ARID1B: variants seen among roughly 807,000 people sequenced by gnomAD.
The protein encoded by ARID1B is AT-rich interaction domain 1B, also known as AT-rich interactive domain-containing protein 1B.
Under a neutral mutation model 212.3 loss-of-function variants are expected in ARID1B, and 30 were observed. The observed-to-expected ratio is 0.14, with a 90% CI of 0.11 to 0.19. The LOEUF is 0.19. Among genes scored for constraint, ARID1B ranks in the 10% least tolerant of loss-of-function variants. The pLI, the probability that ARID1B is intolerant of heterozygous loss-of-function variation, is 1.00. For missense variants in ARID1B, 2,891 were observed against 3,204.0 expected, an observed-to-expected ratio of 0.90 and a Z score of 2.36; for synonymous variants, 1,402 against 1,301.7, an observed-to-expected ratio of 1.08 and a Z score of -1.66.
In ARID1B at chr6:156,827,754, C is replaced by CTT. The variant is rs532857305; in HGVS notation, c.1792-1445_1792-1444dup. Among the ~76,000 whole-genome samples the CTT allele has an allele frequency of 4.0e-3, 273 of 68,452 alleles. 33 individuals are homozygous for CTT. The highest frequency in any genetic ancestry group is 5.8e-3 in the Non-Finnish European group (202 of 34,882). 44.9% of individuals were successfully genotyped at this position (68,452 alleles called of 152,430 possible). A position where few individuals can be genotyped will look rare whatever the true frequency, so the allele number is the denominator to read the frequency against. On this transcript the variant is annotated intron_variant, in intron 1 of 19. Transcript: ENST00000636930. ...GTTATTCCCCTTTATCCTGGTAATT[C>CTT]TTTTTTTTTTTTTTTTTTTTTTTTT...
intron 5 of ARID1B, among the ~76,000 whole-genome samples, chr6:157,089,754 T>C (rs937586584): frequency 2.0e-5 from 3 of 152,178 alleles, no homozygotes; most frequent in Admixed American, 1.3e-4. Context: ...AGCTCCATCT[T>C]TGTAATTGGC....
At chr6:157,191,037 C>T (rs534931345) in intron 15 of ARID1B, among the ~76,000 whole-genome samples, 1 of 151,662 alleles carries the variant, frequency 6.6e-6, no homozygotes, top group African/African-American at 2.4e-5. Context: ...TGTCTGTGGG[C>T]GTATTGATGA....
chr6:157,104,794 T>A (rs1439367691), intron 5 of ARID1B, among the ~76,000 whole-genome samples: 2 of 152,186 alleles, frequency 1.3e-5, no homozygotes, highest in African/African-American at 4.8e-5. Flanking sequence ...CAGTCATGAG[T>A]TCTCCTTGAC....
intron 4 of ARID1B, chr6:156,985,224 T>C (rs1054988558): frequency 6.6e-6 from 1 of 152,234 alleles, no homozygotes; most frequent in Non-Finnish European, 1.5e-5. Context: ...GTTGTGATTC[T>C]GTTAAAATCA....
Position 157,206,545 on chromosome 6 carries a change from C to A in ARID1B, c.5773C>A (p.Arg1925=). 1 of 1,614,120 alleles carries A rather than the reference C, an allele frequency of 6.2e-7. No homozygotes were observed. Among genetic ancestry groups the A allele is most frequent in the Non-Finnish European group, 8.5e-7 (1 of 1,180,032 alleles). ...VKKNNLFVVD[R]SDKLGRVQEF... ...AAAGAACAACCTGTTTGTTGTTGAC[C>A]GATCTGACAAGTTGGGGCGTGTGCA... The change falls in exon 20 of 20, where the codon CGA becomes AGA. Residue 1925 remains arginine (R), a synonymous_variant. Coordinates refer to ENST00000636930, the MANE Select transcript of ARID1B (RefSeq NM_001374828.1). This position sits in a 1 kb window ranked among gnomAD's most constrained non-coding sequence, Gnocchi z 6.8.
At position 157,094,036 on chromosome 6, in the gene ARID1B, G is replaced by GA. The variant is rs1240878955; in HGVS notation, c.2491+9138dup. ...CATACTTTATTGTCAGGTAGTCAAG[G>GA]AAAAAAATCAGGTTACTTCTTTAGA... On this transcript the variant is annotated intron_variant, in intron 5 of 19. Coordinates refer to ENST00000636930, the MANE Select transcript of ARID1B (RefSeq NM_001374828.1). This position sits in a 1 kb window ranked among gnomAD's most constrained non-coding sequence, Gnocchi z 4.3. Among the ~76,000 whole-genome samples the GA allele has an allele frequency of 6.6e-6, 1 of 152,094 alleles. No homozygotes were observed. Among genetic ancestry groups the GA allele is most frequent in the Admixed American group, 6.5e-5 (1 of 15,274 alleles).
intron 7 of ARID1B, chr6:157,140,824 G>A: frequency 2.5e-6 from 1 of 395,042 alleles, no homozygotes; most frequent in Non-Finnish European, 4.5e-6. Context: ...AGAGGCAGCG[G>A]CCTTCCACAT....
intron 1 of ARID1B, among the ~76,000 whole-genome samples, chr6:156,804,714 C>A (rs573367498): frequency 6.6e-6 from 1 of 152,146 alleles, no homozygotes; most frequent in South Asian, 2.1e-4. Context: ...CCTCCTACAA[C>A]ACATGGGGAT....
At chr6:157,053,859 AG>A (rs1474663476) in intron 4 of ARID1B, among the ~76,000 whole-genome samples, 1 of 152,176 alleles carries the variant, frequency 6.6e-6, no homozygotes, top group African/African-American at 2.4e-5. Context: ...GGATCACCTG[AG>A]GTCAGGAGTT....
At chr6:156,926,455 T>C (rs1791225047) in intron 3 of ARID1B, among the ~76,000 whole-genome samples, 1 of 152,170 alleles carries the variant, frequency 6.6e-6, no homozygotes, top group South Asian at 2.1e-4. Context: ...GCATAGTTTT[T>C]CAGATGAAAG....
chr6:156,818,378 A>G (rs1469758056), intron 1 of ARID1B, among the ~76,000 whole-genome samples: 1 of 152,094 alleles, frequency 6.6e-6, no homozygotes, highest in African/African-American at 2.4e-5. Flanking sequence ...TTTTAATACA[A>G]TTTTTAAGTT....
intron 2 of ARID1B, among the ~76,000 whole-genome samples, chr6:156,899,749 C>G (rs1788771547): frequency 6.6e-6 from 1 of 152,132 alleles, no homozygotes; most frequent in South Asian, 2.1e-4. Flanking sequence ...CGCCCCCTCC[C>G]CAAACAACAC....
At chr6:156,947,598 C>T (rs1481767184) in intron 4 of ARID1B, among the ~76,000 whole-genome samples, 2 of 146,916 alleles carry the variant, frequency 1.4e-5, no homozygotes, top group Non-Finnish European at 3.0e-5. Flanking sequence ...GGAAATGGGA[C>T]TTTAGAAAGA....
intron 8 of ARID1B, chr6:157,166,544 G>A (rs1452510806): frequency 6.6e-6 from 1 of 152,360 alleles, no homozygotes; most frequent in Non-Finnish European, 1.5e-5. Flanking sequence ...TAGGGTCGGG[G>A]AGAGTTTTGG....
intron 4 of ARID1B, among the ~76,000 whole-genome samples, chr6:156,968,671 A>G (rs1427121524): frequency 6.6e-6 from 1 of 152,198 alleles, no homozygotes; most frequent in Non-Finnish European, 1.5e-5. Flanking sequence ...ATAGGATTGT[A>G]GTCTGCTGGG....
chr6:156,881,586 A>G (rs1787101576), intron 2 of ARID1B, among the ~76,000 whole-genome samples: 2 of 152,220 alleles, frequency 1.3e-5, no homozygotes, highest in Admixed American at 1.3e-4. Flanking sequence ...ACGGGTTCCC[A>G]TACCTCAATA....
chr6:157,203,825 G>T lies in ARID1B; in HGVS notation c.5264-41G>T, dbSNP rs1305743652. ...GTTAACTTTCGTTCTTTCATGCATA[G>T]AGTCAACATTCATGATATCCTTGTT... On this transcript the variant is annotated intron_variant, in intron 18 of 19. Transcript: ENST00000636930. This position sits in a 1 kb window ranked among gnomAD's most constrained non-coding sequence, Gnocchi z 4.4. 6.2e-7 allele frequency: 1 copy of T among 1,610,548 alleles called. No individual in the cohort carries two copies. The highest frequency in any genetic ancestry group is 8.5e-7 in the Non-Finnish European group (1 of 1,177,126).
intron 2 of ARID1B, among the ~76,000 whole-genome samples, chr6:156,851,925 G>A (rs1784604411): frequency 6.6e-6 from 1 of 152,106 alleles, no homozygotes; most frequent in African/African-American, 2.4e-5. Context: ...TTCTTTAAAG[G>A]TATTATGGAG....
In ARID1B at chr6:157,133,137, A is replaced by T. The variant is rs1185696018; in HGVS notation, c.2691A>T (p.Gly897=). Residue 897 remains glycine (G), a synonymous_variant, in exon 7 of 20, where the codon GGA becomes GGT. Coordinates refer to ENST00000636930, the MANE Select transcript of ARID1B (RefSeq NM_001374828.1). ...HPSPGGQMHA[G]ISSFQQSNSS... ...CTCCTGGGGGCCAGATGCATGCTGG[A>T]ATCAGTAGCTTTCAGCAGAGTAACT... The T allele has an allele frequency of 1.1e-5, 18 of 1,614,162 alleles. No individual in the cohort carries two copies. The highest frequency in any genetic ancestry group is 1.5e-5 in the Non-Finnish European group (18 of 1,180,032).
Sources: gnomAD v4.1 joint callset for allele counts (sites outside exome capture counted in the v4.1 genomes callset) on GRCh38, gnomAD v4.1.1 for gene constraint, Gnocchi (gnomAD v3.1) non-coding constraint, MANE v1.5 for transcripts, NCBI Gene and HGNC (gene_info 2026-07-23, HGNC 2026-07-21) for gene names.